BCAS3: variants seen among roughly 807,000 people sequenced by gnomAD.
BCAS3 encodes the protein BCAS3 microtubule associated cell migration factor, also known as BCAS4/BCAS3 fusion.
A neutral mutation model predicts 116.1 loss-of-function variants in BCAS3; 53 were observed. The observed-to-expected ratio is 0.46, with a 90% confidence interval of 0.37 to 0.57. The LOEUF is 0.57. Ranked by LOEUF, BCAS3 falls within the 20% of genes least tolerant of loss-of-function variation. The probability of loss-of-function intolerance (pLI) is 0.00; values close to 1 mark genes in which losing one functional copy is unlikely to be tolerated. For synonymous variants in BCAS3, 391 were observed against 408.2 expected (o/e 0.96, Z 0.51); for missense variants, 917 against 1,165.4 (o/e 0.79, Z 3.10).
At chr17:61,294,172 T>G (rs2144715717) in intron 22 of BCAS3, among the ~76,000 whole-genome samples, 1 of 152,346 alleles carries the variant, frequency 6.6e-6, no homozygotes, top group Non-Finnish European at 1.5e-5. Context: ...AATAAATGTA[T>G]AGAACAGATC....
At chr17:61,137,789 G>A (rs1482150979) in intron 22 of BCAS3, among the ~76,000 whole-genome samples, 2 of 152,128 alleles carry the variant, frequency 1.3e-5, no homozygotes, top group Non-Finnish European at 2.9e-5. Flanking sequence ...AAAACAAAAT[G>A]CTAAAAACTG....
At chr17:60,891,403 T>A (rs2057138079) in intron 10 of BCAS3, among the ~76,000 whole-genome samples, 7 of 152,172 alleles carry the variant, frequency 4.6e-5, no homozygotes, top group Admixed American at 4.6e-4. Flanking sequence ...ATATCTGGTG[T>A]CATGTACAGA....
rs143457193 is a variant in BCAS3 at position 60,693,879 on chromosome 17, A to T, written c.214+4118A>T. 3.3e-3 allele frequency among the ~76,000 whole-genome samples: 488 copies of T among 148,216 alleles called. 23 individuals carry two copies. In the East Asian group the frequency reaches 0.087, roughly 26 times the overall value. ...AAATTTACCATTTTAACCATTAAAA[A>T]TTTTAATTTTTTTTTTTTTTTTTTG... On this transcript the variant is annotated intron_variant, in intron 4 of 23. Transcript: ENST00000407086.
chr17:61,311,969 G>A (rs2054348359), intron 22 of BCAS3, among the ~76,000 whole-genome samples: 1 of 152,218 alleles, frequency 6.6e-6, no homozygotes, highest in Non-Finnish European at 1.5e-5. Context: ...TAAGTCAAAT[G>A]TGAGGTAAGT....
In BCAS3 at chr17:60,990,333, A is replaced by C; in HGVS notation, c.1486+98A>C. On this transcript the variant is annotated intron_variant, in intron 15 of 23. Transcript: ENST00000407086. The surrounding 1 kb of genome is among the most constrained non-coding windows in gnomAD (Gnocchi z 5.1). ...AAACTAAACTTGTTATAGTCTGTTC[A>C]TGTAAAAAGAAGATCTTAGGCTTAT... is the stretch of plus-strand genomic sequence containing the variant. 7.7e-7 allele frequency: 1 copy of C among 1,301,870 alleles called. No individual in the cohort carries two copies. The highest frequency in any genetic ancestry group is 1.1e-6 in the Non-Finnish European group (1 of 947,280). 80.6% of individuals were successfully genotyped at this position (1,301,870 alleles called of 1,614,324 possible).
At chr17:60,984,571 A>G (rs1179296920) in intron 14 of BCAS3, among the ~76,000 whole-genome samples, 1 of 152,150 alleles carries the variant, frequency 6.6e-6, no homozygotes, top group Non-Finnish European at 1.5e-5. Context: ...GTACATAATA[A>G]TCACATCAGG....
rs992507292 is a variant in BCAS3, at chr17:61,087,954, G to T, written c.2425+3390G>T. Among the ~76,000 whole-genome samples, 1 of 152,080 alleles carries T rather than the reference G, an allele frequency of 6.6e-6. No homozygotes were observed. ...TCCTAGCACTTTGGGAGGCCGAAGC[G>T]GTGGATCACTTGAGGTCAGGTGTTT... On this transcript the variant is annotated intron_variant, in intron 22 of 23. Transcript: ENST00000407086. This position sits in a 1 kb window ranked among gnomAD's most constrained non-coding sequence, Gnocchi z 4.6.
chr17:60,718,463 C>T (rs912578131), intron 5 of BCAS3, among the ~76,000 whole-genome samples: 10 of 152,154 alleles, frequency 6.6e-5, no homozygotes, highest in Non-Finnish European at 1.5e-4. Context: ...TAGACAGAGT[C>T]TTGCTCTGTT....
intron 23 of BCAS3, among the ~76,000 whole-genome samples, chr17:61,371,665 C>T (rs986580996): frequency 2.0e-5 from 3 of 152,132 alleles, no homozygotes; most frequent in African/African-American, 7.2e-5. Flanking sequence ...TATTTCAAAA[C>T]ACCATGTTGT....
In BCAS3 at chr17:61,354,810, G is replaced by A. The variant is rs758697560; in HGVS notation, c.2426-13517G>A. The A allele has an allele frequency of 5.9e-5, 9 of 152,212 alleles. No homozygotes were observed. In the South Asian group the frequency reaches 1.0e-3, roughly 17 times the overall value. 9.4% of individuals were successfully genotyped at this position (152,212 alleles called of 1,614,324 possible). A position where few individuals can be genotyped will look rare whatever the true frequency, so the allele number is the denominator to read the frequency against. On this transcript the variant is annotated intron_variant, in intron 22 of 23. Transcript: ENST00000407086. This position sits in a 1 kb window ranked among gnomAD's most constrained non-coding sequence, Gnocchi z 4.5. ...CCAAGCTGGGAACACCATTTTTAAA[G>A]CCCACATAGTTAGGAGACTACCAAA...
In BCAS3 at chr17:61,307,570, A is replaced by G. The variant is rs867086231; in HGVS notation, c.2426-60757A>G. Reference sequence around the variant, plus strand: ...CCTGTGTAAAATAGGAATAATCCCAATCTTCTCAATGAGATTTTACCAAAA... The same window carrying G: ...CCTGTGTAAAATAGGAATAATCCCAGTCTTCTCAATGAGATTTTACCAAAA... On this transcript the variant is annotated intron_variant, in intron 22 of 23. Coordinates refer to ENST00000407086, the MANE Select transcript of BCAS3 (RefSeq NM_017679.5). This position sits in a 1 kb window ranked among gnomAD's most constrained non-coding sequence, Gnocchi z 4.7. Among the ~76,000 whole-genome samples, 6 of 152,330 alleles carry G rather than the reference A, an allele frequency of 3.9e-5. No homozygotes were observed. The South Asian group carries it at 1.2e-3, about 32-fold the overall frequency.
chr17:60,703,668 A>G (rs952403613), intron 4 of BCAS3, among the ~76,000 whole-genome samples: 1 of 150,968 alleles, frequency 6.6e-6, no homozygotes, highest in Non-Finnish European at 1.5e-5. Context: ...TAATCCCAGC[A>G]CTTTGGGAGG....
rs10573405 is a variant in BCAS3, at chr17:60,850,345, G to GTTTTT, written c.477-18206_477-18202dup. ...CCTCCCCCTAACTCCTGGCACCACT[G>GTTTTT]TTTTTTTTTTTTTTTTTTTTTTTTT... is the stretch of plus-strand genomic sequence containing the variant. On this transcript the variant is annotated intron_variant, in intron 7 of 23. Coordinates refer to ENST00000407086, the MANE Select transcript of BCAS3 (RefSeq NM_017679.5). 4.2e-3 allele frequency among the ~76,000 whole-genome samples: 158 copies of GTTTTT among 37,732 alleles called. 38 individuals carry two copies. Among genetic ancestry groups the GTTTTT allele is most frequent in the African/African-American group, 0.012 (84 of 7,120 alleles). The allele number at this position is 37,732 out of a possible 152,430, so 24.8% of individuals were successfully genotyped here.
intron 13 of BCAS3, among the ~76,000 whole-genome samples, chr17:60,946,962 C>T (rs2060534268): frequency 6.6e-6 from 1 of 152,108 alleles, no homozygotes; most frequent in African/African-American, 2.4e-5. Context: ...GAATATCAAA[C>T]TTCTCTCTGC....
intron 22 of BCAS3, among the ~76,000 whole-genome samples, chr17:61,252,237 C>T (rs1849283456): frequency 6.6e-6 from 1 of 151,500 alleles, no homozygotes; most frequent in Admixed American, 6.6e-5. Flanking sequence ...AGAAGGAGTC[C>T]AGTTCTCTTT....
At chr17:60,858,604 T>A (rs2053881225) in intron 7 of BCAS3, among the ~76,000 whole-genome samples, 1 of 152,210 alleles carries the variant, frequency 6.6e-6, no homozygotes, top group Non-Finnish European at 1.5e-5. Flanking sequence ...TTATTATGGC[T>A]AATAAAATAC....
In BCAS3 at chr17:61,032,389, C is replaced by T. The variant is rs1209502981; in HGVS notation, c.1638-2277C>T. On this transcript the variant is annotated intron_variant, in intron 16 of 23. Transcript: ENST00000407086. The surrounding 1 kb of genome is among the most constrained non-coding windows in gnomAD (Gnocchi z 4.6). ...ACTGCTTTCAAAAAATTCTACAATA[C>T]TTTTCTCTTTCCCGTTCCCCCAGCC... 1.3e-5 allele frequency among the ~76,000 whole-genome samples: 2 copies of T among 152,116 alleles called. No individual in the cohort carries two copies. The highest frequency in any genetic ancestry group is 2.9e-5 in the Non-Finnish European group (2 of 67,992).
intron 3 of BCAS3, among the ~76,000 whole-genome samples, chr17:60,688,482 G>T: frequency 6.6e-6 from 1 of 151,824 alleles, no homozygotes; most frequent in East Asian, 1.9e-4. Flanking sequence ...CTGTAGAGAT[G>T]AGGTTTCTCC....
chr17:61,270,701 T>C (rs905116183), intron 22 of BCAS3, among the ~76,000 whole-genome samples: 4 of 152,182 alleles, frequency 2.6e-5, no homozygotes, highest in Non-Finnish European at 5.9e-5. Flanking sequence ...CTATGTTTTC[T>C]TCAGGTAGTT....
Sources: allele counts gnomAD v4.1 joint callset (sites outside exome capture counted in the v4.1 genomes callset), GRCh38; gene constraint gnomAD v4.1.1; non-coding constraint Gnocchi (gnomAD v3.1); transcripts MANE v1.5; gene names NCBI Gene and HGNC (gene_info 2026-07-23, HGNC 2026-07-21).